Variants in SNTG1 observed in about 807,000 individuals in gnomAD.
SNTG1 encodes the protein gamma-1-syntrophin.
Under a neutral mutation model 74.7 loss-of-function variants are expected in SNTG1, and 39 were observed. The ratio of observed to expected loss-of-function variants is 0.52; its 90% CI spans 0.40 to 0.68. The LOEUF is 0.68. Among genes scored for constraint, SNTG1 ranks in the 30% least tolerant of loss-of-function variants. The pLI is 0.00. For missense variants in SNTG1, 685 were observed against 609.5 expected (o/e 1.12, Z -1.30); for synonymous variants, 254 against 217.1 (o/e 1.17, Z -1.49).
At chr8:50,749,191 G>A (rs1042600012) in intron 17 of SNTG1, among the ~76,000 whole-genome samples, 6 of 152,030 alleles carry the variant, frequency 3.9e-5, no homozygotes, top group Non-Finnish European at 8.8e-5. Flanking sequence ...TGGAGAAAGT[G>A]TTCATGGTAT....
chr8:50,718,566 G>C (rs536647092), intron 17 of SNTG1, among the ~76,000 whole-genome samples: 2 of 152,058 alleles, frequency 1.3e-5, no homozygotes, highest in Non-Finnish European at 2.9e-5. Context: ...GGTTAGCCCA[G>C]GCATGTCCTT....
chr8:50,513,886 G>A (rs1472554798), intron 9 of SNTG1, among the ~76,000 whole-genome samples: 1 of 152,162 alleles, frequency 6.6e-6, no homozygotes. Flanking sequence ...GCCTCGCCCT[G>A]CTTCAGCTCA....
chr8:50,585,705 T>A (rs981202043), intron 12 of SNTG1, among the ~76,000 whole-genome samples: 1 of 152,112 alleles, frequency 6.6e-6, no homozygotes, highest in African/African-American at 2.4e-5. Flanking sequence ...AATATTTGAC[T>A]GTATATAATA....
intron 17 of SNTG1, among the ~76,000 whole-genome samples, chr8:50,736,144 A>G (rs1189089892): frequency 2.0e-5 from 3 of 151,924 alleles, no homozygotes; most frequent in Admixed American, 1.3e-4. Context: ...AAAGGAAAAA[A>G]CAGTACCAGC....
At chr8:50,069,039 C>T (rs1193095154) in intron 1 of SNTG1, among the ~76,000 whole-genome samples, 2 of 152,144 alleles carry the variant, frequency 1.3e-5, no homozygotes, top group Non-Finnish European at 2.9e-5. Context: ...TCTGTTTTCT[C>T]CAGACAGTTG....
At chr8:50,734,854 T>C (rs1052397196) in intron 17 of SNTG1, among the ~76,000 whole-genome samples, 1 of 123,112 alleles carries the variant, frequency 8.1e-6, no homozygotes, top group Non-Finnish European at 1.7e-5. Flanking sequence ...TATGGACATA[T>C]ATATATCTAT....
At chr8:50,492,342 C>T (rs754899461) in intron 8 of SNTG1, among the ~76,000 whole-genome samples, 27 of 152,164 alleles carry the variant, frequency 1.8e-4, no homozygotes, top group African/African-American at 3.6e-4. Context: ...ACTAATTTAC[C>T]TTCCCACCAA....
chr8:50,387,736 A>G (rs1180137950), intron 2 of SNTG1, among the ~76,000 whole-genome samples: 1 of 152,182 alleles, frequency 6.6e-6, no homozygotes, highest in Non-Finnish European at 1.5e-5. Flanking sequence ...AGTGGAACAC[A>G]CGTTTAATGG....
intron 12 of SNTG1, among the ~76,000 whole-genome samples, chr8:50,566,329 C>T (rs758470834): frequency 6.6e-6 from 1 of 151,924 alleles, no homozygotes; most frequent in African/African-American, 2.4e-5. Flanking sequence ...AAAACCAGGT[C>T]ACTGAATCCT....
At chr8:50,782,598 A>G (rs181107013) in intron 18 of SNTG1, among the ~76,000 whole-genome samples, 1 of 152,184 alleles carries the variant, frequency 6.6e-6, no homozygotes, top group Admixed American at 6.5e-5. Flanking sequence ...TTCTAGTTAT[A>G]CATTCGTCTA....
intron 2 of SNTG1, among the ~76,000 whole-genome samples, chr8:50,260,392 TA>T (rs1018644935): frequency 1.3e-5 from 2 of 152,000 alleles, no homozygotes; most frequent in African/African-American, 4.8e-5. Context: ...ACAAGCTCAC[TA>T]AAAAACAGAA....
chr8:50,505,004 C>A (rs1391870111), intron 9 of SNTG1, among the ~76,000 whole-genome samples: 1 of 152,076 alleles, frequency 6.6e-6, no homozygotes, highest in Admixed American at 6.6e-5. Context: ...TTTCCCCAGA[C>A]CCACCCACTG....
At chr8:50,004,705 C>A (rs1005846183) in intron 1 of SNTG1, among the ~76,000 whole-genome samples, 1 of 152,202 alleles carries the variant, frequency 6.6e-6, no homozygotes, top group African/African-American at 2.4e-5. Flanking sequence ...GCGGAGATTT[C>A]TGGAGCCTTT....
intron 11 of SNTG1, among the ~76,000 whole-genome samples, chr8:50,541,793 A>T (rs1291001826): frequency 1.3e-5 from 2 of 151,924 alleles, no homozygotes; most frequent in Non-Finnish European, 2.9e-5. Context: ...TGTGTTCATC[A>T]ATCAACTTCT....
chr8:49,939,869 G>A (rs1030144707), intron 1 of SNTG1, among the ~76,000 whole-genome samples: 1 of 152,112 alleles, frequency 6.6e-6, no homozygotes, highest in African/African-American at 2.4e-5. Context: ...CTAGGGTCTA[G>A]CAGGCCGAGA....
intron 1 of SNTG1, among the ~76,000 whole-genome samples, chr8:50,125,559 A>T (rs1427809456): frequency 7.0e-6 from 1 of 142,176 alleles, no homozygotes; most frequent in Non-Finnish European, 1.6e-5. Flanking sequence ...TAATAAGCAC[A>T]TAAAATGTAA....
intron 4 of SNTG1, among the ~76,000 whole-genome samples, chr8:50,436,284 G>A (rs1288434501): frequency 6.6e-6 from 1 of 152,120 alleles, no homozygotes; most frequent in Non-Finnish European, 1.5e-5. Flanking sequence ...TAGTTGGGTT[G>A]TCAGTTTTAT....
chr8:50,483,095 G>A (rs1319455395), intron 8 of SNTG1, among the ~76,000 whole-genome samples: 1 of 152,074 alleles, frequency 6.6e-6, no homozygotes, highest in Non-Finnish European at 1.5e-5. Flanking sequence ...TTAGATATTT[G>A]CACTAATTTT....
intron 17 of SNTG1, among the ~76,000 whole-genome samples, chr8:50,726,496 A>G (rs1350984538): frequency 1.3e-5 from 2 of 152,212 alleles, no homozygotes; most frequent in African/African-American, 4.8e-5. Context: ...TGATTTGTGA[A>G]TAATCAAGAG....
Sources: allele counts gnomAD v4.1 joint callset (sites outside exome capture counted in the v4.1 genomes callset), GRCh38; gene constraint gnomAD v4.1.1; transcripts MANE v1.5; gene names NCBI Gene and HGNC (gene_info 2026-07-23, HGNC 2026-07-21).